Variants in TEK observed in about 807,000 individuals in gnomAD.
TEK encodes angiopoietin-1 receptor.
TEK carries 43 observed loss-of-function variants against 131.8 expected under a neutral mutation model. The ratio of observed to expected loss-of-function variants is 0.33; its 90% confidence interval spans 0.26 to 0.42. TEK has a LOEUF of 0.42. TEK is among the 10% of genes least tolerant of loss of function. The probability of loss-of-function intolerance (pLI) is 1.00; values close to 1 mark genes in which losing one functional copy is unlikely to be tolerated. For missense variants in TEK, 1,162 were observed against 1,384.4 expected, an observed-to-expected ratio of 0.84 and a Z score of 2.55; for synonymous variants, 580 against 491.6, an observed-to-expected ratio of 1.18 and a Z score of -2.38.
Position 27,203,055 on chromosome 9 carries a change from G to T in TEK, c.2145G>T (p.Glu715Asp). The T allele has an allele frequency of 6.2e-7, 1 of 1,614,124 alleles. No individual in the cohort carries two copies. The highest frequency in any genetic ancestry group is 8.5e-7 in the Non-Finnish European group (1 of 1,180,000). ...ETAYQVDIFA[E>D]NNIGSSNPAF... Reference sequence around the variant, plus strand: ...CATACCAGGTGGACATTTTTGCAGAGAACAACATAGGGTCAAGCAACCCAG... The same window carrying T: ...CATACCAGGTGGACATTTTTGCAGATAACAACATAGGGTCAAGCAACCCAG... Residue 715 changes from glutamate (E) to aspartate (D), a missense_variant, in exon 13 of 23, where the codon GAG becomes GAT. By Grantham distance (45) the Glu-to-Asp change is conservative (BLOSUM62 2). This residue lies in a region of TEK where 477 missense variants were observed against 471.0 expected (regional missense o/e 1.01). Transcript: ENST00000380036.
intron 1 of TEK, among the ~76,000 whole-genome samples, chr9:27,137,227 C>A (rs567509523): frequency 6.8e-6 from 1 of 147,186 alleles, no homozygotes; most frequent in Non-Finnish European, 1.5e-5. Flanking sequence ...CTAAATCTAT[C>A]TTTTGATAAA....
intron 13 of TEK, 147 bp downstream of exon 13, chr9:27,203,266 A>T: frequency 1.2e-6 from 1 of 845,976 alleles, no homozygotes. Context: ...TAATATCAAA[A>T]TGCCTCTGAG....
chr9:27,111,140 C>T (rs979204031), intron 1 of TEK, among the ~76,000 whole-genome samples: 2 of 152,060 alleles, frequency 1.3e-5, no homozygotes, highest in Non-Finnish European at 2.9e-5. Flanking sequence ...TAAAATCAAA[C>T]AAAAAGGTAT....
intron 16 of TEK, among the ~76,000 whole-genome samples, chr9:27,209,765 T>G (rs1825535304): frequency 6.6e-6 from 1 of 152,250 alleles, no homozygotes; most frequent in Admixed American, 6.5e-5. Flanking sequence ...CAATGGAGCT[T>G]TACAACTATC....
intron 21 of TEK, among the ~76,000 whole-genome samples, chr9:27,222,307 G>A (rs1343857377): frequency 1.3e-5 from 2 of 152,166 alleles, no homozygotes; most frequent in Non-Finnish European, 2.9e-5. Flanking sequence ...TCACCCAGGA[G>A]AACTTCCCCA....
At chr9:27,120,881 C>T (rs1281691055) in intron 1 of TEK, among the ~76,000 whole-genome samples, 2 of 152,358 alleles carry the variant, frequency 1.3e-5, no homozygotes, top group East Asian at 1.9e-4. Flanking sequence ...CACCTTGGTA[C>T]TTGCCTTTGT....
At chr9:27,187,469 G>C (rs1360455399) in intron 9 of TEK, among the ~76,000 whole-genome samples, 1 of 152,134 alleles carries the variant, frequency 6.6e-6, no homozygotes, top group Non-Finnish European at 1.5e-5. Flanking sequence ...AAGAATGGCT[G>C]TATTATGTTC....
chr9:27,159,049 G>A, intron 2 of TEK, among the ~76,000 whole-genome samples: 1 of 152,182 alleles, frequency 6.6e-6, no homozygotes, highest in Middle Eastern at 3.2e-3. Flanking sequence ...TAGCTTGTGA[G>A]TCTAAGTCAG....
chr9:27,150,176 G>A (rs113742040), intron 1 of TEK, among the ~76,000 whole-genome samples: 1,729 of 152,256 alleles, frequency 0.011, 45 homozygotes, highest in African/African-American at 0.04. Context: ...CTAAGGACTT[G>A]GCTGTTAACA....
intron 21 of TEK, among the ~76,000 whole-genome samples, chr9:27,227,022 C>G (rs1267830261): frequency 6.6e-6 from 1 of 152,156 alleles, no homozygotes; most frequent in Non-Finnish European, 1.5e-5. Flanking sequence ...CATCACTAGA[C>G]AGTCCCTAAA....
chr9:27,206,667 C>T lies in TEK; in HGVS notation c.2450C>T (p.Pro817Leu). Residue 817 changes from proline to leucine, a missense_variant, in exon 15 of 23, where the codon CCA becomes CTA. Around this residue, in one of 6 missense-constraint regions of TEK, gnomAD observed 477 missense variants for 471.0 expected, o/e 1.01. Coordinates refer to ENST00000380036, the MANE Select transcript of TEK (RefSeq NM_000459.5). ...VKNNPDPTIY[P>L]VLDWNDIKFQ... ...AACAACCCAGATCCTACAATTTATC[C>T]AGTGCTTGACTGGAATGACATCAAA... 3.1e-6 allele frequency: 5 copies of T among 1,614,030 alleles called. No homozygotes were observed. Among genetic ancestry groups the T allele is most frequent in the Non-Finnish European group, 4.2e-6 (5 of 1,179,988 alleles).
chr9:27,226,129 G>T (rs1374397472), intron 21 of TEK, among the ~76,000 whole-genome samples: 1 of 152,186 alleles, frequency 6.6e-6, no homozygotes, highest in Non-Finnish European at 1.5e-5. Context: ...TTACACTGTT[G>T]GTGGGAGTGT....
At chr9:27,143,907 T>G (rs1405672815) in intron 1 of TEK, among the ~76,000 whole-genome samples, 1 of 152,204 alleles carries the variant, frequency 6.6e-6, no homozygotes, top group Admixed American at 6.5e-5. Flanking sequence ...TCTTGAAGGC[T>G]GAGCAGGAGT....
Position 27,197,325 on chromosome 9 carries a change from T to C in TEK, c.1635T>C (p.Pro545=), listed in dbSNP as rs768207822. The change falls in exon 12 of 23, where the codon CCT becomes CCC. Residue 545 remains proline, a synonymous_variant. Coordinates refer to ENST00000380036, the MANE Select transcript of TEK (RefSeq NM_000459.5). The stretch of plus-strand genomic sequence containing the variant: ...TCTGGATTCTCCTAGGACTCCCTCC[T>C]CCAAGAGGTCTAAATCTCCTGCCTA... ...RFTTASIGLP[P]PRGLNLLPKS... The C allele has an allele frequency of 6.2e-7, 1 of 1,614,036 alleles. No individual in the cohort carries two copies. Among genetic ancestry groups the C allele is most frequent in the Non-Finnish European group, 8.5e-7 (1 of 1,179,968 alleles).
rs1041289069 is a variant in TEK at position 27,163,835 on chromosome 9, T to A, written c.365-4660T>A. Among the ~76,000 whole-genome samples, 3 of 152,326 alleles carry A rather than the reference T, an allele frequency of 2.0e-5. No homozygotes were observed. The East Asian group carries it at 5.8e-4, about 29-fold the overall frequency. On this transcript the variant is annotated intron_variant, in intron 2 of 22. Transcript: ENST00000380036. ...CTGTAGTACTTACACAACAATTAAA[T>A]TGAAAGGAGATGACTGAAATTGAGC... is the stretch of plus-strand genomic sequence containing the variant.
intron 1 of TEK, among the ~76,000 whole-genome samples, chr9:27,133,654 T>A (rs1822308352): frequency 6.6e-6 from 1 of 152,226 alleles, no homozygotes; most frequent in African/African-American, 2.4e-5. Context: ...GCTTTCATAC[T>A]TGCTTTATGG....
Position 27,228,283 on chromosome 9 carries a change from A to G in TEK, c.3278A>G (p.Asn1093Ser). Residue 1093 changes from asparagine to serine, a missense_variant, in exon 22 of 23, where the codon AAC becomes AGC. By Grantham distance (46) the Asn-to-Ser change is conservative. Around this residue, in one of 6 missense-constraint regions of TEK, gnomAD observed 84 missense variants for 80.3 expected, o/e 1.05. Transcript: ENST00000380036. ...PSFAQILVSL[N>S]RMLEERKTYV... ...TTTGCCCAGATATTGGTGTCCTTAA[A>G]CAGAATGTTAGAGGAGCGAAAGGTA... 1 of 1,612,902 alleles carries G rather than the reference A, an allele frequency of 6.2e-7. No individual in the cohort carries two copies. The highest frequency in any genetic ancestry group is 8.5e-7 in the Non-Finnish European group (1 of 1,179,124).
chr9:27,186,133 T>A (rs144819680), intron 9 of TEK, among the ~76,000 whole-genome samples: 1 of 152,326 alleles, frequency 6.6e-6, no homozygotes, highest in African/African-American at 2.4e-5. Context: ...CTATGCTATA[T>A]AATTAACATG....
intron 1 of TEK, among the ~76,000 whole-genome samples, chr9:27,124,065 C>A (rs924449760): frequency 1.3e-5 from 2 of 152,136 alleles, no homozygotes; most frequent in South Asian, 2.1e-4. Context: ...CGTGAGCCAC[C>A]GCAGCTGGCG....
Sources: allele counts gnomAD v4.1 joint callset (sites outside exome capture counted in the v4.1 genomes callset), GRCh38; gene constraint gnomAD v4.1.1; regional missense constraint gnomAD v4.1.1; transcripts MANE v1.5; gene names NCBI Gene and HGNC (gene_info 2026-07-23, HGNC 2026-07-21).